PDE10A: variants seen among roughly 807,000 people sequenced by gnomAD.
PDE10A encodes the protein phosphodiesterase 10A, also known as cAMP and cAMP-inhibited cGMP 3',5'-cyclic phosphodiesterase 10A.
In PDE10A, 39 loss-of-function variants were observed where a neutral mutation model predicts 97.7. The ratio of observed to expected loss-of-function variants is 0.40; its 90% CI spans 0.31 to 0.52. The LOEUF (loss-of-function observed/expected upper bound fraction) is 0.52. PDE10A is among the 20% of genes least tolerant of loss of function. The pLI is 0.56. For missense variants in PDE10A, 731 were observed against 1,047.8 expected (o/e 0.70, Z 4.17); for synonymous variants, 371 against 376.8 (o/e 0.98, Z 0.18).
At chr6:165,939,049 G>A (rs903486886) in intron 1 of PDE10A, among the ~76,000 whole-genome samples, 1 of 152,212 alleles carries the variant, frequency 6.6e-6, no homozygotes, top group Non-Finnish European at 1.5e-5. Context: ...AGAATATTAT[G>A]CAGCCAGCAC....
intron 1 of PDE10A, among the ~76,000 whole-genome samples, chr6:165,927,678 A>ATATATATAT (rs1562801740): frequency 2.5e-5 from 3 of 118,514 alleles, no homozygotes; most frequent in East Asian, 2.4e-4. Flanking sequence ...ATATATATAT[A>ATATATATAT]GTTTTTTGTT....
At chr6:165,842,397 C>G (rs373227104) in intron 1 of PDE10A, among the ~76,000 whole-genome samples, 1 of 152,144 alleles carries the variant, frequency 6.6e-6, no homozygotes, top group African/African-American at 2.4e-5. Context: ...TACTGTTATA[C>G]GGAGCTTGGC....
chr6:165,420,486 A>G (rs1788615812), intron 10 of PDE10A, among the ~76,000 whole-genome samples: 1 of 152,224 alleles, frequency 6.6e-6, no homozygotes, highest in Non-Finnish European at 1.5e-5. Flanking sequence ...ATACAGAAGA[A>G]TCACTCATCT....
upstream of PDE10A, among the ~76,000 whole-genome samples, chr6:165,665,726 G>T (rs768455878): frequency 6.6e-6 from 1 of 151,906 alleles, no homozygotes; most frequent in Non-Finnish European, 1.5e-5. Context: ...TATTAAGAGG[G>T]TAGTTAACAC....
At chr6:165,477,076 G>A (rs1294116090) in intron 3 of PDE10A, among the ~76,000 whole-genome samples, 2 of 152,194 alleles carry the variant, frequency 1.3e-5, no homozygotes, top group East Asian at 1.9e-4. Flanking sequence ...AGATCTGACT[G>A]ACAGAGTATC....
intron 2 of PDE10A, among the ~76,000 whole-genome samples, chr6:165,528,354 G>A (rs1294399898): frequency 6.6e-6 from 1 of 152,166 alleles, no homozygotes; most frequent in East Asian, 1.9e-4. Flanking sequence ...ATCGCCCTAT[G>A]GGCCAATGAA....
intron 5 of PDE10A, among the ~76,000 whole-genome samples, chr6:165,438,897 A>C (rs1315773815): frequency 6.6e-6 from 1 of 151,248 alleles, no homozygotes; most frequent in Admixed American, 6.6e-5. Flanking sequence ...GTTTGAGGTT[A>C]CAGTGAGCTG....
Position 165,339,365 on chromosome 6 carries a change from T to C in PDE10A, c.2896-7A>G, listed in dbSNP as rs766902213. The C allele has an allele frequency of 5.3e-6, 8 of 1,516,234 alleles. No individual in the cohort carries two copies. The highest frequency in any genetic ancestry group is 6.4e-6 in the Non-Finnish European group (7 of 1,091,434). 93.9% of individuals were successfully genotyped at this position (1,516,234 alleles called of 1,614,324 possible). ...ATTTCTTCATTTCATCACCCTAAGA[T>C]GAATGGGGAGAAAATCATGCTTTCT... On this transcript the variant is annotated splice_polypyrimidine_tract_variant and splice_region_variant and intron_variant, in intron 19 of 21. Coordinates refer to ENST00000539869, the MANE Select transcript of PDE10A (RefSeq NM_001385079.1).
chr6:165,628,075 A>G (rs932897135), intron 1 of PDE10A, among the ~76,000 whole-genome samples: 2 of 152,236 alleles, frequency 1.3e-5, no homozygotes, highest in African/African-American at 4.8e-5. Context: ...TTAAATGATG[A>G]GAATTTAAAA....
Position 165,661,476 on chromosome 6 carries a change from G to A in PDE10A, c.865+471C>T, listed in dbSNP as rs1020693945. The A allele has an allele frequency of 1.3e-5, 2 of 153,674 alleles. No homozygotes were observed. The highest frequency in any genetic ancestry group is 2.9e-5 in the Non-Finnish European group (2 of 69,132). The allele number at this position is 153,674 out of a possible 1,614,324, so 9.5% of individuals were successfully genotyped here. ...TGGAAGCGCGGGGTTCTGAGGCCCT[G>A]GCCTCCCTCACCCCGGCTACAGGGA... On this transcript the variant is annotated intron_variant, in intron 1 of 21. Transcript: ENST00000539869. The surrounding 1 kb of genome is among the most constrained non-coding windows in gnomAD (Gnocchi z 4.8).
intron 1 of PDE10A, among the ~76,000 whole-genome samples, chr6:165,619,061 A>G (rs897102930): frequency 2.3e-4 from 26 of 113,740 alleles, no homozygotes; most frequent in Admixed American, 1.8e-3. Context: ...AGTGTGGTGT[A>G]GTGTAGTGTA....
intron 5 of PDE10A, among the ~76,000 whole-genome samples, chr6:165,443,706 T>C (rs924111224): frequency 2.0e-5 from 3 of 152,198 alleles, no homozygotes; most frequent in African/African-American, 7.2e-5. Context: ...TATCCAGGCA[T>C]TTCTATCATC....
At chr6:165,371,549 A>G (rs1286911370) in intron 18 of PDE10A, among the ~76,000 whole-genome samples, 6 of 152,182 alleles carry the variant, frequency 3.9e-5, no homozygotes, top group Non-Finnish European at 8.8e-5. Flanking sequence ...ATCTCTGAAT[A>G]GACCAATAAC....
intron 13 of PDE10A, among the ~76,000 whole-genome samples, chr6:165,406,227 G>GGTGTGTGTGTGTGTGTGTGTGT (rs1562431357): frequency 3.3e-5 from 1 of 30,454 alleles, no homozygotes; most frequent in African/African-American, 1.9e-4. Flanking sequence ...GAGGGAAAAG[G>GGTGTGTGTGTGTGTGTGTGTGT]ATGTGTGTGT....
chr6:165,843,909 G>A (rs1479486682), intron 1 of PDE10A, among the ~76,000 whole-genome samples: 1 of 152,178 alleles, frequency 6.6e-6, no homozygotes, highest in Non-Finnish European at 1.5e-5. Flanking sequence ...CTGAGAGCCT[G>A]AAGCCCACAC....
At chr6:165,421,729 A>C (rs1788705923) in intron 10 of PDE10A, among the ~76,000 whole-genome samples, 1 of 152,170 alleles carries the variant, frequency 6.6e-6, no homozygotes, top group African/African-American at 2.4e-5. Flanking sequence ...GTTATTTCAT[A>C]TGTCAAAAAA....
chr6:165,593,012 C>T (rs574799396), intron 1 of PDE10A, among the ~76,000 whole-genome samples: 27 of 152,052 alleles, frequency 1.8e-4, no homozygotes, highest in East Asian at 1.5e-3. Flanking sequence ...ATGTTTATTG[C>T]GGCACTGTTC....
At chr6:165,589,430 TTTTA>T (rs1015508944) in intron 1 of PDE10A, among the ~76,000 whole-genome samples, 1 of 152,238 alleles carries the variant, frequency 6.6e-6, no homozygotes, top group Non-Finnish European at 1.5e-5. Context: ...TTAAAAAATG[TTTTA>T]TTTCTTTATT....
chr6:165,720,719 G>A (rs186213617), intron 1 of PDE10A, among the ~76,000 whole-genome samples: 178 of 152,316 alleles, frequency 1.2e-3, no homozygotes, highest in South Asian at 5.0e-3. Flanking sequence ...CTGGCCAGGC[G>A]TTTTAGGTGT....
Sources: allele counts gnomAD v4.1 joint callset (sites outside exome capture counted in the v4.1 genomes callset), GRCh38; gene constraint gnomAD v4.1.1; non-coding constraint Gnocchi (gnomAD v3.1); transcripts MANE v1.5; gene names NCBI Gene and HGNC (gene_info 2026-07-23, HGNC 2026-07-21).